RCAN2: variants seen among roughly 807,000 people sequenced by gnomAD.
RCAN2 encodes the protein regulator of calcineurin 2.
A neutral mutation model predicts 23.6 loss-of-function variants in RCAN2; 9 were observed. The observed-to-expected ratio is 0.38, with a 90% CI of 0.23 to 0.67. The LOEUF (loss-of-function observed/expected upper bound fraction) is 0.67. Ranked by LOEUF, RCAN2 falls within the 30% of genes least tolerant of loss-of-function variation. RCAN2 has a pLI of 0.51. For missense variants in RCAN2, 273 were observed against 302.3 expected, an observed-to-expected ratio of 0.90 and a Z score of 0.72; for synonymous variants, 109 against 115.7, an observed-to-expected ratio of 0.94 and a Z score of 0.37.
intron 4 of RCAN2, among the ~76,000 whole-genome samples, chr6:46,237,124 G>A (rs903848695): frequency 2.0e-5 from 3 of 152,152 alleles, no homozygotes; most frequent in Non-Finnish European, 4.4e-5. Flanking sequence ...TACTGAAAGG[G>A]AGCCTAGTTT....
chr6:46,450,186 T>C (rs1417522121), intron 2 of RCAN2, among the ~76,000 whole-genome samples: 2 of 151,916 alleles, frequency 1.3e-5, no homozygotes, highest in East Asian at 1.9e-4. Context: ...AAATGACCAG[T>C]AAGTGTATTA....
intron 2 of RCAN2, among the ~76,000 whole-genome samples, chr6:46,306,467 A>C (rs1243652064): frequency 6.6e-6 from 1 of 152,168 alleles, no homozygotes; most frequent in African/African-American, 2.4e-5. Context: ...AGCATTCTAC[A>C]CAGTTTCAAA....
At chr6:46,454,236 T>C (rs1459525828) in intron 2 of RCAN2, among the ~76,000 whole-genome samples, 1 of 152,240 alleles carries the variant, frequency 6.6e-6, no homozygotes, top group Non-Finnish European at 1.5e-5. Context: ...GAATGGAGTA[T>C]GATACTTAAT....
intron 2 of RCAN2, among the ~76,000 whole-genome samples, chr6:46,339,389 G>A (rs943654813): frequency 3.3e-5 from 5 of 151,922 alleles, no homozygotes; most frequent in Non-Finnish European, 7.4e-5. Context: ...ATTTTGAGAG[G>A]TAAGTGGTTT....
intron 2 of RCAN2, among the ~76,000 whole-genome samples, chr6:46,409,875 G>T (rs566237215): frequency 1.6e-4 from 24 of 152,234 alleles, no homozygotes; most frequent in Non-Finnish European, 2.8e-4. Context: ...TATTATGCCT[G>T]TGAGGGTGTT....
intron 2 of RCAN2, among the ~76,000 whole-genome samples, chr6:46,288,900 T>C (rs970414351): frequency 1.3e-5 from 2 of 152,226 alleles, no homozygotes; most frequent in African/African-American, 4.8e-5. Flanking sequence ...GGGAGCAAAC[T>C]CAATAAATAA....
intron 2 of RCAN2, among the ~76,000 whole-genome samples, chr6:46,318,061 TC>T (rs35003950): frequency 6.6e-6 from 1 of 152,200 alleles, no homozygotes; most frequent in Non-Finnish European, 1.5e-5. Flanking sequence ...ATAATATTGA[TC>T]CATGGAGATG....
intron 2 of RCAN2, among the ~76,000 whole-genome samples, chr6:46,415,251 G>A (rs1483618849): frequency 2.0e-5 from 3 of 152,146 alleles, no homozygotes; most frequent in Non-Finnish European, 4.4e-5. Flanking sequence ...ACTAGCTGTA[G>A]GAACGGATTA....
intron 2 of RCAN2, among the ~76,000 whole-genome samples, chr6:46,390,209 A>G (rs566344419): frequency 1.2e-3 from 176 of 152,290 alleles, no homozygotes; most frequent in African/African-American, 4.0e-3. Context: ...GAAGCAGAAG[A>G]ATCTTGAAGA....
chr6:46,395,456 A>T (rs1766060752), intron 2 of RCAN2, among the ~76,000 whole-genome samples: 1 of 152,220 alleles, frequency 6.6e-6, no homozygotes, highest in South Asian at 2.1e-4. Flanking sequence ...ATTCTAAACC[A>T]ATTCACAAAT....
At chr6:46,317,164 C>A (rs578139403) in intron 2 of RCAN2, among the ~76,000 whole-genome samples, 2 of 152,248 alleles carry the variant, frequency 1.3e-5, no homozygotes, top group East Asian at 1.9e-4. Flanking sequence ...ACCAGGGAAA[C>A]CCTTGCATTT....
intron 2 of RCAN2, among the ~76,000 whole-genome samples, chr6:46,388,650 G>C (rs536057616): frequency 6.6e-6 from 1 of 152,270 alleles, no homozygotes; most frequent in African/African-American, 2.4e-5. Flanking sequence ...CCTTTGCAGG[G>C]ACATGGATGA....
At chr6:46,277,247 C>T (rs1767744992) in intron 2 of RCAN2, among the ~76,000 whole-genome samples, 3 of 152,198 alleles carry the variant, frequency 2.0e-5, no homozygotes, top group African/African-American at 7.2e-5. Context: ...TTCCACATGG[C>T]TATTTACCTG....
chr6:46,414,408 G>A (rs891863801), intron 2 of RCAN2, among the ~76,000 whole-genome samples: 28 of 152,248 alleles, frequency 1.8e-4, no homozygotes, highest in African/African-American at 6.8e-4. Context: ...GGACTTCTTA[G>A]AAGTTGGGTC....
intron 2 of RCAN2, among the ~76,000 whole-genome samples, chr6:46,399,431 C>A (rs1766185238): frequency 6.6e-6 from 1 of 150,464 alleles, no homozygotes; most frequent in Non-Finnish European, 1.5e-5. Context: ...CTGTTACAAC[C>A]CAAATCTGTT....
chr6:46,445,267 G>T (rs535569566), intron 2 of RCAN2, among the ~76,000 whole-genome samples: 3 of 152,046 alleles, frequency 2.0e-5, no homozygotes, highest in Non-Finnish European at 4.4e-5. Flanking sequence ...CAATCAATAC[G>T]TTTATCCCAG....
At chr6:46,242,937 G>C (rs1237922050) in intron 4 of RCAN2, among the ~76,000 whole-genome samples, 1 of 152,178 alleles carries the variant, frequency 6.6e-6, no homozygotes, top group Non-Finnish European at 1.5e-5. Context: ...GTAGTTTCAG[G>C]TACTGGGAAT....
intron 2 of RCAN2, among the ~76,000 whole-genome samples, chr6:46,263,286 T>C (rs1464638278): frequency 6.6e-6 from 1 of 152,182 alleles, no homozygotes; most frequent in Non-Finnish European, 1.5e-5. Flanking sequence ...TCCTCCATAA[T>C]GTAATGAAAC....
intron 1 of RCAN2, among the ~76,000 whole-genome samples, chr6:46,482,277 T>C (rs527406834): frequency 4.6e-5 from 7 of 152,300 alleles, no homozygotes; most frequent in African/African-American, 1.7e-4. Context: ...GCTTTAGCTA[T>C]GTGTATATAT....
Sources: allele counts gnomAD v4.1 joint callset (sites outside exome capture counted in the v4.1 genomes callset), GRCh38; gene constraint gnomAD v4.1.1; transcripts MANE v1.5; gene names NCBI Gene and HGNC (gene_info 2026-07-23, HGNC 2026-07-21).